Variants in KMT5B observed in about 807,000 individuals in gnomAD.
KMT5B encodes the protein histone-lysine N-methyltransferase KMT5B.
KMT5B carries 10 observed loss-of-function variants against 83.2 expected under a neutral mutation model. The ratio of observed to expected loss-of-function variants is 0.12; its 90% CI spans 0.07 to 0.20. The LOEUF (loss-of-function observed/expected upper bound fraction) is 0.20. Ranked by LOEUF, KMT5B falls within the 10% of genes least tolerant of loss-of-function variation. The probability of loss-of-function intolerance (pLI) is 1.00; values close to 1 mark genes in which losing one functional copy is unlikely to be tolerated. For missense variants in KMT5B, 753 were observed against 1,067.2 expected (o/e 0.71, Z 4.10); for synonymous variants, 349 against 388.8 (o/e 0.90, Z 1.20).
intron 4 of KMT5B, chr11:68,179,695 A>C: frequency 3.8e-6 from 4 of 1,065,174 alleles, no homozygotes; most frequent in Non-Finnish European, 2.4e-6. Context: ...AAATGCTCAA[A>C]TATTTAAGAT....
At chr11:68,179,680 G>A in intron 4 of KMT5B, 3 of 1,112,042 alleles carry the variant, frequency 2.7e-6, no homozygotes, top group African/African-American at 1.6e-5. Flanking sequence ...GAGAGGAAGA[G>A]AGAAAAATGC....
intron 2 of KMT5B, among the ~76,000 whole-genome samples, chr11:68,189,186 AAAG>A (rs547136869): frequency 2.0e-5 from 3 of 152,240 alleles, no homozygotes; most frequent in Non-Finnish European, 4.4e-5. Flanking sequence ...CACGTTAGAA[AAAG>A]AAGAAAAGCT....
intron 1 of KMT5B, among the ~76,000 whole-genome samples, chr11:68,197,097 A>C (rs1858816567): frequency 6.6e-6 from 1 of 151,900 alleles, no homozygotes; most frequent in African/African-American, 2.4e-5. Context: ...CAGCCTCCCG[A>C]GTAGCTAGGA....
At chr11:68,202,817 G>A (rs1462915315) in intron 1 of KMT5B, among the ~76,000 whole-genome samples, 2 of 152,122 alleles carry the variant, frequency 1.3e-5, no homozygotes, top group African/African-American at 4.8e-5. Flanking sequence ...AAAGTACTGG[G>A]ATTACAGGCG....
chr11:68,192,906 G>A (rs765654417), intron 1 of KMT5B, among the ~76,000 whole-genome samples: 17 of 152,072 alleles, frequency 1.1e-4, no homozygotes, highest in Non-Finnish European at 1.3e-4. Context: ...TACTGTATTC[G>A]GTAATGTAAA....
chr11:68,195,329 T>C (rs1858576574), intron 1 of KMT5B, among the ~76,000 whole-genome samples: 2 of 152,250 alleles, frequency 1.3e-5, no homozygotes, highest in African/African-American at 2.4e-5. Flanking sequence ...TTAACCTCTC[T>C]GAACCTTAAC....
chr11:68,209,214 C>T (rs1860555727), intron 1 of KMT5B, among the ~76,000 whole-genome samples: 1 of 152,160 alleles, frequency 6.6e-6, no homozygotes, highest in Non-Finnish European at 1.5e-5. Context: ...ACAAATCAGA[C>T]AGGCAAAACA....
rs371668215 is a variant in KMT5B at position 68,157,805 on chromosome 11, G to A, written c.2541C>T (p.Asp847=). The A allele has an allele frequency of 4.0e-5, 65 of 1,613,978 alleles. No homozygotes were observed. The highest frequency in any genetic ancestry group is 1.6e-4 in the Middle Eastern group (1 of 6,084). ...EEDDYDDDFE[D]DFIPLPPAKR... is the part of the protein sequence containing the mutation. ...TAGCTGGAGGAAGAGGAATAAAATCGTCTTCAAAGTCATCATCATAGTCAT... is the reference window on the plus strand; with the variant it reads ...TAGCTGGAGGAAGAGGAATAAAATCATCTTCAAAGTCATCATCATAGTCAT... Residue 847 remains aspartate, a synonymous_variant, in exon 11 of 11, where the codon GAC becomes GAT. Transcript: ENST00000304363.
At position 68,180,125 on chromosome 11, in the gene KMT5B, T is replaced by C; in HGVS notation, c.377+7A>G. On this transcript the variant is annotated splice_region_variant and intron_variant, in intron 4 of 10. Coordinates refer to ENST00000304363, the MANE Select transcript of KMT5B (RefSeq NM_017635.5). ...GTATCTCATTGTTTTTAACACACACTACCTACCTCACAGGGTTGTTGTGAG... is the reference window on the plus strand; with the variant it reads ...GTATCTCATTGTTTTTAACACACACCACCTACCTCACAGGGTTGTTGTGAG... 1 of 1,578,858 alleles carries C rather than the reference T, an allele frequency of 6.3e-7. No individual in the cohort carries two copies. The highest frequency in any genetic ancestry group is 8.7e-7 in the Non-Finnish European group (1 of 1,155,504).
intron 2 of KMT5B, among the ~76,000 whole-genome samples, chr11:68,188,941 T>TA (rs2153071105): frequency 6.6e-6 from 1 of 152,310 alleles, no homozygotes; most frequent in South Asian, 2.1e-4. Flanking sequence ...TGCCTCTTCC[T>TA]ACTCTTGTCC....
In KMT5B at chr11:68,167,140, G is replaced by A; in HGVS notation, c.1016C>T (p.Pro339Leu). ...GCTATTGATAACAGGAGCAGGCGCA[G>A]GCAGTCCCACTCTGGATTTAAAAGC... ...TGAFKSRVGL[P>L]APAPVINSKY... The change falls in exon 10 of 11, where the codon CCT becomes CTT. Residue 339 changes from proline (P) to leucine (L), a missense_variant. Around this residue, in one of 9 missense-constraint regions of KMT5B, gnomAD observed 16 missense variants for 16.1 expected, o/e 0.99. Coordinates refer to ENST00000304363, the MANE Select transcript of KMT5B (RefSeq NM_017635.5). 6.2e-7 allele frequency: 1 copy of A among 1,613,536 alleles called. No individual in the cohort carries two copies. Among genetic ancestry groups the A allele is most frequent in the South Asian group, 1.1e-5 (1 of 90,996 alleles).
rs1857394805 is a variant in KMT5B, at chr11:68,185,906, T to C, written c.183A>G (p.Glu61=). The C allele has an allele frequency of 1.2e-6, 2 of 1,601,932 alleles. No homozygotes were observed. Among genetic ancestry groups the C allele is most frequent in the Non-Finnish European group, 1.7e-6 (2 of 1,174,512 alleles). The change falls in exon 3 of 11, where the codon GAA becomes GAG. Residue 61 remains glutamate, a synonymous_variant. Coordinates refer to ENST00000304363, the MANE Select transcript of KMT5B (RefSeq NM_017635.5). ...AGGATGGTACATAGCGACTCTGTCCTTCAAATCCCGAGTTACCATTACCTG... is the reference window on the plus strand; with the variant it reads ...AGGATGGTACATAGCGACTCTGTCCCTCAAATCCCGAGTTACCATTACCTG... The part of the protein sequence containing the change: ...SNRCNGNSGF[E]GQSRYVPSSG...
Position 68,168,233 on chromosome 11 carries a change from A to AT in KMT5B, c.978-1056dup, listed in dbSNP as rs1391295179. Among the ~76,000 whole-genome samples, 4 of 151,810 alleles carry AT rather than the reference A, an allele frequency of 2.6e-5. No individual in the cohort carries two copies. In the East Asian group the frequency reaches 5.8e-4, roughly 22 times the overall value. On this transcript the variant is annotated intron_variant, in intron 9 of 10. Transcript: ENST00000304363. Reference sequence around the variant, plus strand: ...TCTTGTTTTAATCTCATTTATGGCCATTTTTTTCCTGTGAAGCATCTCTGC... The same window carrying AT: ...TCTTGTTTTAATCTCATTTATGGCCATTTTTTTTCCTGTGAAGCATCTCTGC...
At chr11:68,173,781 G>A (rs1259739411) in intron 6 of KMT5B, 23 bp downstream of exon 6, 1 of 1,345,568 alleles carries the variant, frequency 7.4e-7, no homozygotes, top group Admixed American at 2.0e-5. Flanking sequence ...TAAATTAAAG[G>A]CTTATACTAG....
intron 1 of KMT5B, among the ~76,000 whole-genome samples, chr11:68,198,714 T>C (rs1859042337): frequency 6.6e-6 from 1 of 152,238 alleles, no homozygotes; most frequent in African/African-American, 2.4e-5. Flanking sequence ...AGGAAAAACA[T>C]TTCAAGAAAG....
rs878982366 is a variant in KMT5B at position 68,155,871 on chromosome 11, C to T, written c.*1817G>A. 8 of 152,172 alleles carry T rather than the reference C, an allele frequency of 5.3e-5. No homozygotes were observed. The East Asian group carries it at 1.2e-3, about 22-fold the overall frequency. 9.4% of individuals were successfully genotyped at this position (152,172 alleles called of 1,614,324 possible). A position where few individuals can be genotyped will look rare whatever the true frequency, so the allele number is the denominator to read the frequency against. On this transcript the variant is annotated 3_prime_UTR_variant, in exon 11 of 11. Coordinates refer to ENST00000304363, the MANE Select transcript of KMT5B (RefSeq NM_017635.5). ...ATGCTTTCCAAACGCCTGAGGAGTT[C>T]GACTGCACCACAACAAACAAGGATG...
chr11:68,172,750 G>C (rs1348700419), intron 6 of KMT5B, among the ~76,000 whole-genome samples: 1 of 152,050 alleles, frequency 6.6e-6, no homozygotes, highest in Non-Finnish European at 1.5e-5. Context: ...ACACCCATCT[G>C]CAACACAGGG....
intron 1 of KMT5B, chr11:68,212,452 T>G (rs1861032930): frequency 6.6e-6 from 1 of 152,262 alleles, no homozygotes; most frequent in African/African-American, 2.4e-5. Flanking sequence ...CCGGGTCCAA[T>G]AAACCCAAAT....
At chr11:68,212,974 C>T (rs1861142205) in intron 1 of KMT5B, among the ~76,000 whole-genome samples, 164 bp downstream of exon 1, 1 of 141,232 alleles carries the variant, frequency 7.1e-6, no homozygotes. Context: ...GCCGCAGCCC[C>T]GCCCCCCGCG....
Sources: allele counts gnomAD v4.1 joint callset (sites outside exome capture counted in the v4.1 genomes callset), GRCh38; gene constraint gnomAD v4.1.1; regional missense constraint gnomAD v4.1.1; transcripts MANE v1.5; gene names NCBI Gene and HGNC (gene_info 2026-07-23, HGNC 2026-07-21).